DOCK1: variants seen among roughly 807,000 people sequenced by gnomAD.
DOCK1 encodes dedicator of cytokinesis 1, also known as dedicator of cytokinesis protein 1.
A neutral mutation model predicts 262.7 loss-of-function variants in DOCK1; 138 were observed. That is an observed-to-expected ratio of 0.53 (90% CI 0.46 to 0.61). The LOEUF is 0.61. DOCK1 is among the 20% of genes least tolerant of loss of function. DOCK1 has a pLI of 0.00. For missense variants in DOCK1, 1,908 were observed against 2,370.7 expected (o/e 0.80, Z 4.05); for synonymous variants, 866 against 867.4 (o/e 1.00, Z 0.03).
intron 38 of DOCK1, among the ~76,000 whole-genome samples, chr10:127,391,307 G>A (rs1017561883): frequency 1.3e-5 from 2 of 152,122 alleles, no homozygotes; most frequent in Non-Finnish European, 2.9e-5. Context: ...TGGAGGGAAG[G>A]GTGACTTGGG....
rs1215470222 is a variant in DOCK1 at position 127,345,083 on chromosome 10, G to A, written c.3224+1337G>A. 3.9e-5 allele frequency among the ~76,000 whole-genome samples: 6 copies of A among 152,134 alleles called. 1 individual carries two copies. The South Asian group carries it at 6.2e-4, about 16-fold the overall frequency. On this transcript the variant is annotated intron_variant, in intron 31 of 51. Coordinates refer to ENST00000623213, the MANE Select transcript of DOCK1 (RefSeq NM_001290223.2). ...TAACAGTAGGCTATACCGTATGGCC[G>A]ATGTGTGTAGTAGGCTGTAGTATCT... is the stretch of plus-strand genomic sequence containing the variant.
chr10:127,049,087 C>T (rs1348098598), intron 21 of DOCK1, among the ~76,000 whole-genome samples: 4 of 152,072 alleles, frequency 2.6e-5, no homozygotes, highest in Non-Finnish European at 5.9e-5. Flanking sequence ...AAAAGCCCTC[C>T]TGAATCTATT....
intron 28 of DOCK1, among the ~76,000 whole-genome samples, chr10:127,250,676 C>A (rs1433329080): frequency 1.3e-5 from 2 of 150,906 alleles, no homozygotes; most frequent in Admixed American, 6.6e-5. Flanking sequence ...CCTGTAATCC[C>A]AGCTACTGGG....
chr10:126,980,477 C>T (rs1244750338), intron 3 of DOCK1, among the ~76,000 whole-genome samples: 1 of 152,184 alleles, frequency 6.6e-6, no homozygotes, highest in Non-Finnish European at 1.5e-5. Context: ...GTGCCGGTTG[C>T]AGGTGTGCAC....
At chr10:126,945,172 G>C (rs1360865025) in intron 1 of DOCK1, among the ~76,000 whole-genome samples, 1 of 152,250 alleles carries the variant, frequency 6.6e-6, no homozygotes, top group East Asian at 1.9e-4. Context: ...GTGTGGCTTA[G>C]CTGGGCCCCC....
chr10:127,393,113 G>C (rs79482741), intron 38 of DOCK1, among the ~76,000 whole-genome samples: 4,503 of 152,294 alleles, frequency 0.03, 106 homozygotes, highest in Middle Eastern at 0.044. Context: ...ACAGCCCTTG[G>C]AGTGTTTACA....
chr10:127,032,105 G>T, intron 17 of DOCK1, 32 bp from the exon 18 acceptor site: 1 of 1,565,204 alleles, frequency 6.4e-7, no homozygotes. Context: ...TTTGTGAATT[G>T]CCTTTGACAT....
intron 1 of DOCK1, among the ~76,000 whole-genome samples, chr10:126,913,774 A>G (rs1477479356): frequency 1.3e-5 from 2 of 152,192 alleles, no homozygotes; most frequent in Non-Finnish European, 2.9e-5. Flanking sequence ...CCTTGAGGAG[A>G]AAAAGATGCT....
At chr10:126,996,944 T>G (rs1266553502) in intron 7 of DOCK1, 61 bp downstream of exon 7, 3 of 1,488,740 alleles carry the variant, frequency 2.0e-6, no homozygotes, top group Non-Finnish European at 2.7e-6. Flanking sequence ...TCAACATTAG[T>G]AAAGTATCAG....
intron 27 of DOCK1, among the ~76,000 whole-genome samples, chr10:127,236,316 T>TCTCC (rs35049447): frequency 1.3e-5 from 2 of 148,802 alleles, no homozygotes; most frequent in Admixed American, 6.7e-5. Flanking sequence ...CTCCTTTCTT[T>TCTCC]CTCCCTCCCT....
At chr10:127,261,768 GGTGTGT>G (rs756453423) in intron 29 of DOCK1, among the ~76,000 whole-genome samples, 1 of 90,072 alleles carries the variant, frequency 1.1e-5, no homozygotes, top group Admixed American at 1.2e-4. Context: ...TGTGCATGTG[GGTGTGT>G]GTGTGTGTAC....
chr10:126,922,832 C>T (rs748468788), intron 1 of DOCK1, among the ~76,000 whole-genome samples: 28 of 152,080 alleles, frequency 1.8e-4, no homozygotes, highest in African/African-American at 2.4e-4. Flanking sequence ...AGATGAGGAC[C>T]GGGTACGGTG....
chr10:126,929,648 C>T (rs2034034219), intron 1 of DOCK1, among the ~76,000 whole-genome samples: 2 of 152,020 alleles, frequency 1.3e-5, no homozygotes, highest in African/African-American at 4.8e-5. Flanking sequence ...TGGGTGAGGG[C>T]CAGGAGTGCT....
rs956563145 is a variant in DOCK1 at position 126,933,137 on chromosome 10, A to G, written c.46+27574A>G. On this transcript the variant is annotated intron_variant, in intron 1 of 51. Coordinates refer to ENST00000623213, the MANE Select transcript of DOCK1 (RefSeq NM_001290223.2). ...TGCCAATGTGGCAGGGCTTCCCACA[A>G]TCAGGACAGATTCTGTGGAGGTGTT... Among the ~76,000 whole-genome samples the G allele has an allele frequency of 1.1e-4, 17 of 152,168 alleles. No homozygotes were observed. The East Asian group carries it at 2.9e-3, about 26-fold the overall frequency.
chr10:127,352,261 C>T (rs1356301819), intron 31 of DOCK1, among the ~76,000 whole-genome samples: 6 of 35,956 alleles, frequency 1.7e-4, no homozygotes, highest in Non-Finnish European at 2.5e-4. Flanking sequence ...TGGGGAGCAT[C>T]GGGGAGGGGT....
intron 30 of DOCK1, among the ~76,000 whole-genome samples, chr10:127,342,681 G>C (rs1340718963): frequency 2.6e-5 from 4 of 152,150 alleles, no homozygotes; most frequent in Admixed American, 6.5e-5. Flanking sequence ...ACTCTTTGCA[G>C]CTATCTCCTT....
intron 25 of DOCK1, among the ~76,000 whole-genome samples, chr10:127,111,583 T>C (rs2048867805): frequency 1.3e-5 from 2 of 152,156 alleles, no homozygotes; most frequent in African/African-American, 4.8e-5. Flanking sequence ...TCTAGGGGGC[T>C]TAAGGAAAGG....
chr10:127,201,165 G>A (rs1049232956), intron 27 of DOCK1, among the ~76,000 whole-genome samples: 1 of 152,202 alleles, frequency 6.6e-6, no homozygotes, highest in Admixed American at 6.5e-5. Flanking sequence ...GCCCCAGTGG[G>A]GCCTCCTTTT....
intron 27 of DOCK1, among the ~76,000 whole-genome samples, chr10:127,182,249 A>G (rs980989154): frequency 2.0e-5 from 3 of 152,314 alleles, no homozygotes; most frequent in East Asian, 1.9e-4. Flanking sequence ...AAGAAAACCT[A>G]TCTTAGGTTC....
Sources: gnomAD v4.1 joint callset for allele counts (sites outside exome capture counted in the v4.1 genomes callset) on GRCh38, gnomAD v4.1.1 for gene constraint, MANE v1.5 for transcripts, NCBI Gene and HGNC (gene_info 2026-07-23, HGNC 2026-07-21) for gene names.